QTGAL: variants seen among roughly 807,000 people sequenced by gnomAD.
QTGAL encodes the protein BGnT-like protein 1.
At chr17:82,993,891 T>A in the QTGAL span, among the ~76,000 whole-genome samples, 1 of 152,022 alleles carries the variant, frequency 6.6e-6, no homozygotes, top group African/African-American at 2.4e-5. Context: ...AATTTAACAA[T>A]ATGCTCCTGA....
the QTGAL span, among the ~76,000 whole-genome samples, chr17:83,045,914 C>A: frequency 6.6e-6 from 1 of 151,846 alleles, no homozygotes; most frequent in South Asian, 2.1e-4. Context: ...ATCTCTGCCT[C>A]CCGGGTTCAA....
At chr17:83,007,540 G>C in the QTGAL span, among the ~76,000 whole-genome samples, 1 of 152,138 alleles carries the variant, frequency 6.6e-6, no homozygotes, top group African/African-American at 2.4e-5. Flanking sequence ...CCGAGACCCT[G>C]AGGCCAGCAC....
chr17:82,962,965 T>TC, the QTGAL span, among the ~76,000 whole-genome samples: 1 of 152,008 alleles, frequency 6.6e-6, no homozygotes, highest in Non-Finnish European at 1.5e-5. Flanking sequence ...GCCTCACTCC[T>TC]CCCCCAGGCT....
the QTGAL span, among the ~76,000 whole-genome samples, chr17:83,033,259 G>A: frequency 7.6e-4 from 116 of 152,158 alleles, 1 homozygote; most frequent in Admixed American, 1.6e-3. Flanking sequence ...GAGACCTGCC[G>A]GAAACTTCTC....
chr17:83,015,633 C>T, the QTGAL span, among the ~76,000 whole-genome samples: 19 of 152,334 alleles, frequency 1.2e-4, no homozygotes, highest in African/African-American at 4.3e-4. The surrounding 1 kb of genome is among the most constrained non-coding windows in gnomAD (Gnocchi z 4.4). Flanking sequence ...CCCGGGGAAG[C>T]GGGCTGGTGC....
the QTGAL span, among the ~76,000 whole-genome samples, chr17:82,986,125 G>A: frequency 2.6e-5 from 4 of 152,232 alleles, no homozygotes; most frequent in Non-Finnish European, 4.4e-5. Context: ...GACCCTCTCC[G>A]CTTCCCAGCC....
the QTGAL span, among the ~76,000 whole-genome samples, chr17:83,004,575 C>T: frequency 2.5e-5 from 3 of 119,952 alleles, no homozygotes; most frequent in African/African-American, 1.0e-4. Flanking sequence ...TTCCTGAGCT[C>T]GCCCTCCCAC....
At chr17:82,942,430 T>C in the QTGAL span, 1 of 1,613,932 alleles carries the variant, frequency 6.2e-7, no homozygotes. Flanking sequence ...AGCCTGAGCT[T>C]GTCTTGTCTC....
chr17:83,005,968 G>C, the QTGAL span: 1 of 1,152,686 alleles, frequency 8.7e-7, no homozygotes, highest in African/African-American at 1.6e-5. The surrounding 1 kb of genome is among the most constrained non-coding windows in gnomAD (Gnocchi z 5.6). Context: ...GGTCCTTCAG[G>C]GCTCACACTC....
the QTGAL span, among the ~76,000 whole-genome samples, chr17:83,014,994 T>G: frequency 6.6e-6 from 1 of 152,262 alleles, no homozygotes; most frequent in Non-Finnish European, 1.5e-5. Context: ...CTGTTACCAC[T>G]GTGGAGGGGG....
the QTGAL span, among the ~76,000 whole-genome samples, chr17:83,012,789 TC>T: frequency 4.6e-5 from 7 of 151,820 alleles, no homozygotes; most frequent in African/African-American, 1.7e-4. Flanking sequence ...TCCCCCATTT[TC>T]CCCCTATTCC....
the QTGAL span, among the ~76,000 whole-genome samples, chr17:83,014,126 G>C: frequency 6.6e-6 from 1 of 152,202 alleles, no homozygotes; most frequent in Non-Finnish European, 1.5e-5. Context: ...GTCTAAATAA[G>C]AAAAACGTTT....
At chr17:83,037,847 G>A in the QTGAL span, among the ~76,000 whole-genome samples, 165 of 152,348 alleles carry the variant, frequency 1.1e-3, no homozygotes, top group African/African-American at 3.8e-3. This position sits in a 1 kb window ranked among gnomAD's most constrained non-coding sequence, Gnocchi z 5.2. Context: ...CAGAGACAAG[G>A]AATTTGCTTT....
At chr17:82,956,553 C>A in the QTGAL span, 5 of 956,372 alleles carry the variant, frequency 5.2e-6, no homozygotes, top group South Asian at 3.5e-5. This position sits in a 1 kb window ranked among gnomAD's most constrained non-coding sequence, Gnocchi z 5.7. Context: ...CTGTTGTGGA[C>A]GGCTGTGGCA....
chr17:83,026,235 G>A, the QTGAL span, among the ~76,000 whole-genome samples: 1 of 152,198 alleles, frequency 6.6e-6, no homozygotes, highest in African/African-American at 2.4e-5. Flanking sequence ...GGTGTTCGCA[G>A]GCATCACTCT....
At chr17:82,991,679 C>G in the QTGAL span, among the ~76,000 whole-genome samples, 2 of 152,144 alleles carry the variant, frequency 1.3e-5, no homozygotes, top group Admixed American at 6.5e-5. Flanking sequence ...AGCATCAAGA[C>G]CATCCTGGAA....
At chr17:83,006,926 T>C in the QTGAL span, 11 of 687,098 alleles carry the variant, frequency 1.6e-5, no homozygotes, top group Non-Finnish European at 1.8e-5. This position sits in a 1 kb window ranked among gnomAD's most constrained non-coding sequence, Gnocchi z 5.8. Context: ...TCCAGAGTGG[T>C]TGCGCCGTCT....
chr17:82,965,803 C>G, the QTGAL span: 1 of 1,489,310 alleles, frequency 6.7e-7, no homozygotes, highest in Non-Finnish European at 9.2e-7. Flanking sequence ...TCACAAACAA[C>G]CTGCAGTTTA....
chr17:83,048,112 T>C, the QTGAL span, among the ~76,000 whole-genome samples: 68 of 152,270 alleles, frequency 4.5e-4, no homozygotes, highest in African/African-American at 1.6e-3. Context: ...CTGCAACCTC[T>C]GCCTCCCGGG....
Sources: allele counts gnomAD v4.1 joint callset (sites outside exome capture counted in the v4.1 genomes callset), GRCh38; gene constraint gnomAD v4.1.1; non-coding constraint Gnocchi (gnomAD v3.1); transcripts MANE v1.5; gene names NCBI Gene and HGNC (gene_info 2026-07-23, HGNC 2026-07-21).